LRBA: variants seen among roughly 807,000 people sequenced by gnomAD.
The protein encoded by LRBA is LPS responsive beige-like anchor protein.
A neutral mutation model predicts 330.0 loss-of-function variants in LRBA; 176 were observed. The observed-to-expected ratio is 0.53, with a 90% CI of 0.47 to 0.60. The LOEUF is 0.60. LRBA is among the 20% of genes least tolerant of loss of function. The probability of loss-of-function intolerance (pLI) is 0.00; values close to 1 mark genes in which losing one functional copy is unlikely to be tolerated. For synonymous variants in LRBA, 1,230 were observed against 1,193.0 expected, an observed-to-expected ratio of 1.03 and a Z score of -0.64; for missense variants, 3,259 against 3,444.8, an observed-to-expected ratio of 0.95 and a Z score of 1.35.
intron 32 of LRBA, 78 bp downstream of exon 32, chr4:150,808,242 G>T: frequency 1.2e-6 from 1 of 863,166 alleles, no homozygotes; most frequent in South Asian, 1.6e-5. Flanking sequence ...GAAATGAAAC[G>T]AAGTAAAATA....
intron 53 of LRBA, among the ~76,000 whole-genome samples, chr4:150,300,856 A>C (rs1235824222): frequency 1.3e-5 from 2 of 152,114 alleles, no homozygotes; most frequent in Non-Finnish European, 2.9e-5. Flanking sequence ...AGTGTAGCTA[A>C]TAGGTCTTTA....
chr4:150,999,715 A>C (rs986294366), intron 2 of LRBA, among the ~76,000 whole-genome samples: 1 of 152,006 alleles, frequency 6.6e-6, no homozygotes. Flanking sequence ...AACAAAACAA[A>C]AAAAAAAACA....
At chr4:150,608,505 G>A (rs371895701) in intron 37 of LRBA, among the ~76,000 whole-genome samples, 7 of 152,148 alleles carry the variant, frequency 4.6e-5, no homozygotes, top group Non-Finnish European at 7.4e-5. Context: ...AGCAGTCAGC[G>A]GGCACCATTA....
intron 36 of LRBA, among the ~76,000 whole-genome samples, chr4:150,730,471 C>T (rs1010184633): frequency 6.6e-6 from 1 of 151,926 alleles, no homozygotes; most frequent in Admixed American, 6.6e-5. Context: ...TCAATTGAGG[C>T]CAGGAGTTTG....
rs1316879620 is a variant in LRBA, at chr4:150,367,377, T to C, written c.7195-17218A>G. Among the ~76,000 whole-genome samples, 3 of 152,172 alleles carry C rather than the reference T, an allele frequency of 2.0e-5. No individual in the cohort carries two copies. In the East Asian group the frequency reaches 5.8e-4, roughly 29 times the overall value. On this transcript the variant is annotated intron_variant, in intron 47 of 56. Coordinates refer to ENST00000651943, the MANE Select transcript of LRBA (RefSeq NM_001364905.1). ...TTACAGTGCAAATTGAGCCAAAGAA[T>C]CCACCACACTCTCTGGCCTGCTTTA... is the stretch of plus-strand genomic sequence containing the variant.
intron 42 of LRBA, among the ~76,000 whole-genome samples, chr4:150,480,487 T>A (rs1446115934): frequency 2.0e-5 from 3 of 152,000 alleles, no homozygotes; most frequent in African/African-American, 7.2e-5. Context: ...CAAAATCCAA[T>A]CATTTTTATC....
intron 28 of LRBA, among the ~76,000 whole-genome samples, chr4:150,834,589 G>A (rs564915722): frequency 3.3e-5 from 5 of 152,230 alleles, no homozygotes; most frequent in Admixed American, 2.0e-4. Context: ...AAGCAGATGC[G>A]CTCTTATCTA....
chr4:150,585,450 G>C (rs1304839974), intron 40 of LRBA, among the ~76,000 whole-genome samples: 2 of 152,154 alleles, frequency 1.3e-5, no homozygotes, highest in Non-Finnish European at 2.9e-5. Flanking sequence ...AATAGGAAAA[G>C]TACCTTCCTC....
At chr4:150,948,065 A>G (rs1736424854) in intron 2 of LRBA, among the ~76,000 whole-genome samples, 1 of 152,088 alleles carries the variant, frequency 6.6e-6, no homozygotes, top group Admixed American at 6.5e-5. Context: ...CAAAACTGAT[A>G]TATAGATCTA....
intron 37 of LRBA, among the ~76,000 whole-genome samples, chr4:150,639,360 T>TAAAAAAAAAAAAAGAA (rs371245495): frequency 9.4e-6 from 1 of 106,696 alleles, no homozygotes; most frequent in African/African-American, 3.7e-5. Flanking sequence ...TAAAGTATAA[T>TAAAAAAAAAAAAAGAA]AAAAAAAAAA....
intron 2 of LRBA, among the ~76,000 whole-genome samples, chr4:150,929,571 T>A (rs1418560081): frequency 6.6e-6 from 1 of 152,206 alleles, no homozygotes; most frequent in Non-Finnish European, 1.5e-5. Flanking sequence ...CTGTAGATAA[T>A]CAGTATAACT....
chr4:150,876,775 C>A (rs1273863156), intron 17 of LRBA, among the ~76,000 whole-genome samples: 1 of 152,106 alleles, frequency 6.6e-6, no homozygotes, highest in African/African-American at 2.4e-5. Flanking sequence ...ACGTAGCTTG[C>A]AAACCTTATA....
intron 35 of LRBA, among the ~76,000 whole-genome samples, chr4:150,746,100 A>G (rs1179773684): frequency 6.6e-6 from 1 of 152,222 alleles, no homozygotes; most frequent in Non-Finnish European, 1.5e-5. Flanking sequence ...AAACTTATAG[A>G]AACATATACA....
intron 2 of LRBA, among the ~76,000 whole-genome samples, chr4:150,997,602 A>G (rs899735141): frequency 1.3e-5 from 2 of 152,210 alleles, no homozygotes; most frequent in Admixed American, 1.3e-4. Flanking sequence ...AATTAAGATA[A>G]AGTAGTATTT....
chr4:150,338,557 G>C (rs1473040810), intron 48 of LRBA, among the ~76,000 whole-genome samples: 1 of 152,020 alleles, frequency 6.6e-6, no homozygotes, highest in Non-Finnish European at 1.5e-5. Flanking sequence ...GATCTGCCCT[G>C]GTGTCCCTTA....
intron 4 of LRBA, among the ~76,000 whole-genome samples, chr4:150,926,523 G>T (rs914168062): frequency 1.3e-5 from 2 of 152,134 alleles, no homozygotes; most frequent in African/African-American, 4.8e-5. Context: ...AAAGGAATAT[G>T]ACAAAATCCA....
intron 40 of LRBA, among the ~76,000 whole-genome samples, chr4:150,501,058 C>A (rs1043783592): frequency 1.3e-5 from 2 of 152,156 alleles, no homozygotes; most frequent in Non-Finnish European, 2.9e-5. Context: ...CAGACGTAAT[C>A]TTCCAAAAAG....
chr4:150,453,327 GATTA>G (rs1753625379), intron 44 of LRBA, among the ~76,000 whole-genome samples: 1 of 152,114 alleles, frequency 6.6e-6, no homozygotes, highest in South Asian at 2.1e-4. Flanking sequence ...AGGATATACT[GATTA>G]ATTGTGAAGA....
chr4:150,780,009 C>T (rs906744880), intron 34 of LRBA, among the ~76,000 whole-genome samples: 1 of 152,168 alleles, frequency 6.6e-6, no homozygotes, highest in Non-Finnish European at 1.5e-5. Context: ...CTGCTGACTT[C>T]TGCATGCTCA....
Sources: allele counts gnomAD v4.1 joint callset (sites outside exome capture counted in the v4.1 genomes callset), GRCh38; gene constraint gnomAD v4.1.1; transcripts MANE v1.5; gene names NCBI Gene and HGNC (gene_info 2026-07-23, HGNC 2026-07-21).